The following RYR3 variants were observed in gnomAD, a reference collection of about 807,000 sequenced individuals.
The protein encoded by RYR3 is brain ryanodine receptor-calcium release channel.
A neutral mutation model predicts 584.3 loss-of-function variants in RYR3; 207 were observed. The observed-to-expected ratio is 0.35, with a 90% CI of 0.32 to 0.40. The LOEUF (loss-of-function observed/expected upper bound fraction) is 0.40, where lower values mean the gene tolerates loss of function less well. Ranked by LOEUF, RYR3 falls within the 10% of genes least tolerant of loss-of-function variation. The pLI, the probability that RYR3 is intolerant of heterozygous loss-of-function variation, is 1.00. For synonymous variants in RYR3, 2,416 were observed against 2,248.5 expected, an observed-to-expected ratio of 1.07 and a Z score of -2.11; for missense variants, 5,616 against 6,089.2, an observed-to-expected ratio of 0.92 and a Z score of 2.59.
intron 1 of RYR3, among the ~76,000 whole-genome samples, chr15:33,401,261 G>A (rs749380676): frequency 3.9e-5 from 6 of 152,184 alleles, no homozygotes; most frequent in Non-Finnish European, 8.8e-5. Flanking sequence ...TAGAAGCACT[G>A]TTTACACTCA....
At chr15:33,435,488 T>C (rs2045610030) in intron 1 of RYR3, among the ~76,000 whole-genome samples, 2 of 152,222 alleles carry the variant, frequency 1.3e-5, no homozygotes. Flanking sequence ...CTATTTCACA[T>C]CCTACTGTAA....
intron 12 of RYR3, among the ~76,000 whole-genome samples, chr15:33,572,519 A>G (rs557518361): frequency 2.2e-4 from 33 of 151,646 alleles, no homozygotes; most frequent in African/African-American, 7.5e-4. Context: ...GGCCTTGCCC[A>G]CTGCCTACTC....
chr15:33,865,047 G>A, intron 103 of RYR3, 84 bp from the exon 104 acceptor site: 1 of 978,024 alleles, frequency 1.0e-6, no homozygotes, highest in Non-Finnish European at 1.6e-6. Context: ...TCTTCCTAAA[G>A]GGAGCCACAA....
chr15:33,569,816 G>A (rs1259865105), intron 12 of RYR3, among the ~76,000 whole-genome samples: 1 of 151,790 alleles, frequency 6.6e-6, no homozygotes, highest in East Asian at 1.9e-4. Context: ...TATCGTGGTG[G>A]TTTCAGTTTG....
chr15:33,622,008 C>T (rs930228214), intron 19 of RYR3, among the ~76,000 whole-genome samples: 9 of 152,110 alleles, frequency 5.9e-5, no homozygotes, highest in Admixed American at 3.9e-4. Flanking sequence ...TGAGCAATTC[C>T]GAACAAGCCT....
chr15:33,484,476 G>A (rs2050242781), intron 2 of RYR3, among the ~76,000 whole-genome samples: 1 of 152,312 alleles, frequency 6.6e-6, no homozygotes, highest in African/African-American at 2.4e-5. Context: ...GAAAAGATAG[G>A]TGATGAGGGC....
intron 2 of RYR3, among the ~76,000 whole-genome samples, chr15:33,497,647 T>C (rs1218319044): frequency 6.6e-6 from 1 of 152,208 alleles, no homozygotes; most frequent in Non-Finnish European, 1.5e-5. Context: ...TTGATTGATA[T>C]ATACAATATG....
intron 1 of RYR3, among the ~76,000 whole-genome samples, chr15:33,321,725 A>G (rs911372764): frequency 6.6e-6 from 1 of 152,222 alleles, no homozygotes; most frequent in Non-Finnish European, 1.5e-5. Context: ...CTAAAGCAAG[A>G]TTTCTTCAAA....
intron 31 of RYR3, 109 bp downstream of exon 31, chr15:33,649,344 A>T: frequency 9.5e-7 from 1 of 1,052,854 alleles, no homozygotes; most frequent in Non-Finnish European, 1.4e-6. Flanking sequence ...GGCCTCTCTT[A>T]AAAGGAGAAA....
chr15:33,372,443 C>G (rs988388092), intron 1 of RYR3, among the ~76,000 whole-genome samples: 3 of 146,400 alleles, frequency 2.0e-5, no homozygotes, highest in African/African-American at 7.7e-5. Flanking sequence ...CGGCTCACTG[C>G]AAGCTCCACC....
Position 33,539,447 on chromosome 15 carries a change from C to A in RYR3, c.531C>A (p.Ser177=), listed in dbSNP as rs1165130618. The A allele has an allele frequency of 1.3e-6, 2 of 1,592,720 alleles. No homozygotes were observed. The highest frequency in any genetic ancestry group is 8.6e-7 in the Non-Finnish European group (1 of 1,167,150). ...ATGACCTCATCCTCGTCAGCGTGTC[C>A]TCTGAAAGATACCTTGTAAGTACCT... The part of the protein sequence containing the change: ...IGDDLILVSV[S]SERYLHLSVS... The change falls in exon 6 of 104, where the codon TCC becomes TCA. Residue 177 remains serine, a synonymous_variant. Coordinates refer to ENST00000634891, the MANE Select transcript of RYR3 (RefSeq NM_001036.6).
At chr15:33,370,964 T>C (rs2040289720) in intron 1 of RYR3, among the ~76,000 whole-genome samples, 1 of 152,216 alleles carries the variant, frequency 6.6e-6, no homozygotes, top group African/African-American at 2.4e-5. Flanking sequence ...GTTTTGTCCC[T>C]CACTTGATCC....
intron 1 of RYR3, among the ~76,000 whole-genome samples, chr15:33,454,866 G>A (rs2047415067): frequency 6.6e-6 from 1 of 152,198 alleles, no homozygotes; most frequent in Non-Finnish European, 1.5e-5. Context: ...CTATAGAGAA[G>A]AGGGCAGGAA....
At chr15:33,526,396 G>A (rs1402125261) in intron 3 of RYR3, among the ~76,000 whole-genome samples, 2 of 152,168 alleles carry the variant, frequency 1.3e-5, no homozygotes, top group Admixed American at 6.5e-5. Flanking sequence ...AGTGGTAATA[G>A]CCAAGGTCAC....
intron 38 of RYR3, among the ~76,000 whole-genome samples, chr15:33,683,626 G>A (rs935719958): frequency 6.6e-6 from 1 of 152,196 alleles, no homozygotes; most frequent in Non-Finnish European, 1.5e-5. Flanking sequence ...ATCTCACTGG[G>A]ACTGGTTGAA....
intron 51 of RYR3, among the ~76,000 whole-genome samples, chr15:33,742,115 G>A (rs1211419040): frequency 1.3e-5 from 2 of 152,200 alleles, no homozygotes; most frequent in African/African-American, 4.8e-5. Context: ...GCACATGGCA[G>A]GAGGCCTTCC....
At position 33,838,902 on chromosome 15, in the gene RYR3, G is replaced by A; in HGVS notation, c.12922G>A (p.Gly4308Ser). ...VGLGDLSEII[G>S]KDEPPTLEST... is the part of the protein sequence containing the mutation. The stretch of plus-strand genomic sequence containing the variant: ...TTTGGGTGACCTCTCAGAAATTATT[G>A]GCAAGGATGAACCCCCTACATTAGA... The change falls in exon 89 of 104, where the codon GGC becomes AGC. Residue 4308 changes from glycine (G) to serine (S), a missense_variant. Physicochemically the swap from Gly to Ser is moderately conservative, Grantham distance 56. This residue lies in a region of RYR3 where 918 missense variants were observed against 887.4 expected (regional missense o/e 1.03). Coordinates refer to ENST00000634891, the MANE Select transcript of RYR3 (RefSeq NM_001036.6). 6.2e-7 allele frequency: 1 copy of A among 1,613,910 alleles called. No individual in the cohort carries two copies. Among genetic ancestry groups the A allele is most frequent in the Non-Finnish European group, 8.5e-7 (1 of 1,179,864 alleles).
intron 3 of RYR3, among the ~76,000 whole-genome samples, chr15:33,523,742 A>G (rs1396787888): frequency 6.6e-6 from 1 of 152,160 alleles, no homozygotes; most frequent in East Asian, 1.9e-4. Flanking sequence ...TTTAAAGTGA[A>G]GAGGGACAGT....
chr15:33,418,554 G>A (rs2043996344), intron 1 of RYR3, among the ~76,000 whole-genome samples: 1 of 152,048 alleles, frequency 6.6e-6, no homozygotes, highest in African/African-American at 2.4e-5. Flanking sequence ...GCAAGAGGAG[G>A]AAAGATGACC....
Sources: allele counts gnomAD v4.1 joint callset (sites outside exome capture counted in the v4.1 genomes callset), GRCh38; gene constraint gnomAD v4.1.1; regional missense constraint gnomAD v4.1.1; transcripts MANE v1.5; gene names NCBI Gene and HGNC (gene_info 2026-07-23, HGNC 2026-07-21).